The following UBN2 variants were observed in gnomAD, a reference collection of about 807,000 sequenced individuals.
The protein encoded by UBN2 is ubinuclein 2.
Under a neutral mutation model 120.2 loss-of-function variants are expected in UBN2, and 35 were observed. The ratio of observed to expected loss-of-function variants is 0.29; its 90% CI spans 0.22 to 0.39. UBN2 has a LOEUF of 0.39. Ranked by LOEUF, UBN2 falls within the 10% of genes least tolerant of loss-of-function variation. The pLI is 1.00. For synonymous variants in UBN2, 661 were observed against 648.7 expected (o/e 1.02, Z -0.29); for missense variants, 1,693 against 1,663.2 (o/e 1.02, Z -0.31).
At chr7:139,289,285 A>G (rs1361351018) in intron 15 of UBN2, among the ~76,000 whole-genome samples, 1 of 152,204 alleles carries the variant, frequency 6.6e-6, no homozygotes, top group Non-Finnish European at 1.5e-5. Context: ...TTATATTTAT[A>G]AACAAATTAA....
chr7:139,283,431 GA>G lies in UBN2; in HGVS notation c.2529del (p.Lys843AsnfsTer5), dbSNP rs768190878. On this transcript the variant is annotated frameshift_variant, in exon 15 of 18. Transcript: ENST00000473989. LOFTEE classifies it high-confidence loss of function. Reference sequence around the variant, plus strand: ...CTGGTCACACAGGGCCAGTACCAAAGAAACCCCAGGATTTAGCTCATACTGG... The same window carrying G: ...CTGGTCACACAGGGCCAGTACCAAAGAACCCCAGGATTTAGCTCATACTGG... Reference protein sequence around the residue: ...IAGHTGPVPKKPQDLAHTGIS... With the variant: ...IAGHTGPVPKXPQDLAHTGIS... 1 of 1,614,074 alleles carries G rather than the reference GA, an allele frequency of 6.2e-7. No individual in the cohort carries two copies. Among genetic ancestry groups the G allele is most frequent in the Non-Finnish European group, 8.5e-7 (1 of 1,179,998 alleles).
At chr7:139,250,477 G>A (rs1292157430) in intron 2 of UBN2, among the ~76,000 whole-genome samples, 1 of 151,222 alleles carries the variant, frequency 6.6e-6, no homozygotes, top group Non-Finnish European at 1.5e-5. Context: ...CAGGTGATCC[G>A]CCTGCCTCGA....
chr7:139,262,754 T>C (rs1304193868), intron 6 of UBN2, among the ~76,000 whole-genome samples: 1 of 151,146 alleles, frequency 6.6e-6, no homozygotes, highest in Non-Finnish European at 1.5e-5. Flanking sequence ...TAGAAATAAC[T>C]ATAGTGATAA....
chr7:139,261,432 T>A lies in UBN2; in HGVS notation c.1086T>A (p.Ala362=). 3.1e-6 allele frequency: 5 copies of A among 1,614,208 alleles called. No homozygotes were observed. The highest frequency in any genetic ancestry group is 4.2e-6 in the Non-Finnish European group (5 of 1,180,016). The change falls in exon 6 of 18, where the codon GCT becomes GCA. Residue 362 remains alanine, a synonymous_variant. Transcript: ENST00000473989. The part of the protein sequence containing the change: ...TPSLNKPPCA[A]AALGNDVPDL... ...CTCTGAATAAACCCCCATGTGCTGC[T>A]GCAGCACTGGGGAATGACGTCCCGG...
chr7:139,325,915 G>A, the UBN2 span, among the ~76,000 whole-genome samples: 1 of 152,116 alleles, frequency 6.6e-6, no homozygotes, highest in Non-Finnish European at 1.5e-5. Flanking sequence ...GCATTGCACC[G>A]GGCGGTGGCT....
intron 15 of UBN2, among the ~76,000 whole-genome samples, chr7:139,287,340 T>G (rs192674192): frequency 6.0e-4 from 91 of 152,314 alleles, no homozygotes; most frequent in African/African-American, 2.0e-3. Context: ...TTATCAATTT[T>G]ATAAAAAATT....
the UBN2 span, among the ~76,000 whole-genome samples, chr7:139,316,077 C>CAAAAAAAAAATAAAAAAAAAA: frequency 7.1e-5 from 1 of 14,160 alleles, no homozygotes. Context: ...GACTTCGTCT[C>CAAAAAAAAAATAAAAAAAAAA]AAAAAAAAAA....
chr7:139,310,670 G>A (rs774756211), downstream of UBN2, among the ~76,000 whole-genome samples: 1 of 152,172 alleles, frequency 6.6e-6, no homozygotes, highest in Non-Finnish European at 1.5e-5. Context: ...CTACTCAGGA[G>A]GCTAAGGCAG....
At chr7:139,272,498 G>A in intron 9 of UBN2, 58 bp downstream of exon 9, 1 of 466,584 alleles carries the variant, frequency 2.1e-6, no homozygotes, top group East Asian at 3.6e-5. Flanking sequence ...TGTACGTTAT[G>A]TATGTATGTA....
chr7:139,278,245 G>C (rs1002727613), intron 12 of UBN2, among the ~76,000 whole-genome samples: 5 of 147,068 alleles, frequency 3.4e-5, no homozygotes, highest in Non-Finnish European at 7.4e-5. Context: ...TCAGTGGCAC[G>C]ATCTCAACTC....
In UBN2 at chr7:139,261,393, C is replaced by T. The variant is rs1241924797; in HGVS notation, c.1047C>T (p.Thr349=). 1.2e-6 allele frequency: 2 copies of T among 1,614,170 alleles called. No individual in the cohort carries two copies. Among genetic ancestry groups the T allele is most frequent in the Non-Finnish European group, 1.7e-6 (2 of 1,180,036 alleles). The change falls in exon 6 of 18, where the codon ACC becomes ACT. Residue 349 remains threonine (T), a synonymous_variant. Coordinates refer to ENST00000473989, the MANE Select transcript of UBN2 (RefSeq NM_173569.4). The part of the protein sequence containing the change: ...KKESNPKVPV[T]LSTPSLNKPP... The stretch of plus-strand genomic sequence containing the variant: ...AGTCTAACCCCAAAGTCCCAGTGAC[C>T]TTGTCAACCCCTTCTCTGAATAAAC...
intron 15 of UBN2, among the ~76,000 whole-genome samples, chr7:139,286,059 C>T (rs1435149294): frequency 6.6e-6 from 1 of 152,224 alleles, no homozygotes; most frequent in African/African-American, 2.4e-5. Context: ...TCCTGAATAG[C>T]TGGGATTACA....
rs1427293769 is a variant in UBN2 at position 139,261,531 on chromosome 7, A to G, written c.1185A>G (p.Glu395=). ...CAAATGAACATGAGCTGTTTCAGGA[A>G]GCTGAAAATGCCCTAGAGATGCTAG... The part of the protein sequence containing the change: ...VSTNEHELFQ[E]AENALEMLDD... The change falls in exon 6 of 18, where the codon GAA becomes GAG. Residue 395 remains glutamate (E), a synonymous_variant. Transcript: ENST00000473989. 1.2e-6 allele frequency: 2 copies of G among 1,614,080 alleles called. No individual in the cohort carries two copies. The highest frequency in any genetic ancestry group is 1.3e-5 in the African/African-American group (1 of 74,926).
intron 15 of UBN2, among the ~76,000 whole-genome samples, chr7:139,286,094 A>G (rs1286412166): frequency 6.6e-6 from 1 of 152,076 alleles, no homozygotes; most frequent in Non-Finnish European, 1.5e-5. Flanking sequence ...TGCCCAGCTA[A>G]TTTTTGTGTT....
chr7:139,294,175 A>G (rs113726296), intron 17 of UBN2, among the ~76,000 whole-genome samples, 194 bp downstream of exon 17: 1 of 152,250 alleles, frequency 6.6e-6, no homozygotes, highest in Non-Finnish European at 1.5e-5. Flanking sequence ...TCTGTAACAT[A>G]TAAAAAGAGC....
Position 139,283,238 on chromosome 7 carries a change from A to G in UBN2, c.2333A>G (p.Asn778Ser), listed in dbSNP as rs181831453. Reference protein sequence around the residue: ...DLVSEALAVINNGNKGPPVGS... With the variant: ...DLVSEALAVISNGNKGPPVGS... ...GTTTCTGAAGCTTTAGCGGTTATCA[A>G]CAATGGGAACAAGGGCCCTCCAGTT... is the stretch of plus-strand genomic sequence containing the variant. The change falls in exon 15 of 18, where the codon AAC becomes AGC. Residue 778 changes from asparagine (N) to serine (S), a missense_variant. Asn to Ser is a conservative substitution (Grantham distance 46). Transcript: ENST00000473989. 11 of 1,613,452 alleles carry G rather than the reference A, an allele frequency of 6.8e-6. No individual in the cohort carries two copies. Among genetic ancestry groups the G allele is most frequent in the Admixed American group, 1.7e-5 (1 of 59,870 alleles).
the UBN2 span, among the ~76,000 whole-genome samples, chr7:139,316,032 G>A: frequency 2.9e-5 from 4 of 137,712 alleles, no homozygotes; most frequent in Non-Finnish European, 6.0e-5. Context: ...AGCTGAGATC[G>A]CGCTGTTGCA....
chr7:139,276,414 G>A, intron 12 of UBN2: 4 of 445,672 alleles, frequency 9.0e-6, no homozygotes, highest in Non-Finnish European at 1.6e-5. Context: ...CTTTGTTCCT[G>A]GGCCTTCTAC....
intron 8 of UBN2, 78 bp downstream of exon 8, chr7:139,269,601 C>T: frequency 1.4e-6 from 2 of 1,467,950 alleles, no homozygotes; most frequent in Non-Finnish European, 1.9e-6. Context: ...GGGGCCTTTG[C>T]ACATTAATTG....
Sources: gnomAD v4.1 joint callset for allele counts (sites outside exome capture counted in the v4.1 genomes callset) on GRCh38, gnomAD v4.1.1 for gene constraint, MANE v1.5 for transcripts, NCBI Gene and HGNC (gene_info 2026-07-23, HGNC 2026-07-21) for gene names.